LRMDA: variants seen among roughly 807,000 people sequenced by gnomAD.
The protein encoded by LRMDA is leucine rich melanocyte differentiation associated, also known as leucine-rich melanocyte differentiation-associated protein.
In LRMDA, 18 loss-of-function variants were observed where a neutral mutation model predicts 29.8. The ratio of observed to expected loss-of-function variants is 0.60; its 90% CI spans 0.42 to 0.90. LRMDA has a LOEUF of 0.90. Ranked by LOEUF, LRMDA falls within the 40% of genes least tolerant of loss-of-function variation. The pLI is 0.00. For synonymous variants in LRMDA, 125 were observed against 109.4 expected (o/e 1.14, Z -0.89); for missense variants, 273 against 273.9 (o/e 1.00, Z 0.02).
intron 2 of LRMDA, among the ~76,000 whole-genome samples, chr10:75,482,199 G>C (rs887713385): frequency 3.3e-5 from 5 of 152,126 alleles, no homozygotes; most frequent in Non-Finnish European, 7.3e-5. Flanking sequence ...GGAGGGAAGA[G>C]CATACCAGTT....
At chr10:75,776,794 C>A (rs116667528) in intron 2 of LRMDA, among the ~76,000 whole-genome samples, 20 of 152,328 alleles carry the variant, frequency 1.3e-4, no homozygotes, top group African/African-American at 4.8e-4. Context: ...GGTTTTGGAG[C>A]AGCTATAACG....
chr10:76,152,108 A>G (rs1225526926), intron 5 of LRMDA, among the ~76,000 whole-genome samples: 1 of 152,206 alleles, frequency 6.6e-6, no homozygotes. Flanking sequence ...AACTGTCACC[A>G]CTATTCAATC....
chr10:75,799,991 T>C (rs1406698678), intron 2 of LRMDA, among the ~76,000 whole-genome samples: 1 of 152,194 alleles, frequency 6.6e-6, no homozygotes, highest in South Asian at 2.1e-4. Flanking sequence ...TTTTCTCCTC[T>C]CATTTCTTCA....
chr10:76,082,328 G>A (rs890826463), intron 5 of LRMDA, among the ~76,000 whole-genome samples: 1 of 152,076 alleles, frequency 6.6e-6, no homozygotes, highest in Non-Finnish European at 1.5e-5. Flanking sequence ...TTCCCTGCCT[G>A]TCACTTTGGG....
chr10:75,448,889 C>A (rs187510139), intron 2 of LRMDA, among the ~76,000 whole-genome samples: 562 of 152,300 alleles, frequency 3.7e-3, no homozygotes, highest in Non-Finnish European at 6.4e-3. Flanking sequence ...CAGTGGCTCA[C>A]GCCTATAATC....
At chr10:76,224,317 A>C (rs1394339232) in intron 5 of LRMDA, among the ~76,000 whole-genome samples, 1 of 151,588 alleles carries the variant, frequency 6.6e-6, no homozygotes, top group African/African-American at 2.4e-5. Flanking sequence ...TCAGCCTATA[A>C]TCCCAGCACT....
chr10:75,925,417 G>C (rs1031439021), intron 2 of LRMDA, among the ~76,000 whole-genome samples: 1 of 152,058 alleles, frequency 6.6e-6, no homozygotes, highest in Non-Finnish European at 1.5e-5. Context: ...TTAGCGTCTG[G>C]GGGGGTTGGA....
chr10:76,411,392 T>C (rs1426822795), intron 6 of LRMDA, among the ~76,000 whole-genome samples: 1 of 152,222 alleles, frequency 6.6e-6, no homozygotes, highest in Non-Finnish European at 1.5e-5. Flanking sequence ...GTGCCAGTTC[T>C]GTACAAATGA....
At chr10:76,556,069 G>A (rs147051225) in intron 6 of LRMDA, among the ~76,000 whole-genome samples, 2 of 152,146 alleles carry the variant, frequency 1.3e-5, no homozygotes, top group African/African-American at 2.4e-5. Flanking sequence ...ATCCTACAGA[G>A]CTTTCATAAT....
At chr10:75,657,721 C>T (rs530020154) in intron 2 of LRMDA, among the ~76,000 whole-genome samples, 1 of 152,124 alleles carries the variant, frequency 6.6e-6, no homozygotes, top group Non-Finnish European at 1.5e-5. Context: ...TTTAGGTTTG[C>T]TTCCAGGGTG....
chr10:75,795,549 G>T (rs774676625), intron 2 of LRMDA, among the ~76,000 whole-genome samples: 1 of 152,128 alleles, frequency 6.6e-6, no homozygotes, highest in Non-Finnish European at 1.5e-5. Flanking sequence ...GGCCATGAAT[G>T]TGTGGGTCTA....
intron 2 of LRMDA, among the ~76,000 whole-genome samples, chr10:75,635,729 A>T (rs74570481): frequency 0.02 from 2,992 of 152,098 alleles, 90 homozygotes; most frequent in African/African-American, 0.068. Context: ...TCCTGATTAC[A>T]TTGTTTGTGC....
At chr10:76,125,544 A>G (rs1276169900) in intron 5 of LRMDA, among the ~76,000 whole-genome samples, 3 of 152,240 alleles carry the variant, frequency 2.0e-5, no homozygotes, top group Admixed American at 6.5e-5. Context: ...AAATTGAACC[A>G]TTGATGCCTG....
chr10:75,738,770 G>T (rs1182957257), intron 2 of LRMDA, among the ~76,000 whole-genome samples: 1 of 152,152 alleles, frequency 6.6e-6, no homozygotes, highest in Non-Finnish European at 1.5e-5. Flanking sequence ...GAGCATTTTT[G>T]TCTGCATTTT....
chr10:76,464,789 C>G (rs1842548064), intron 6 of LRMDA: 1 of 152,180 alleles, frequency 6.6e-6, no homozygotes, highest in South Asian at 2.1e-4. Flanking sequence ...TCAAGTTTCC[C>G]TCATATCTTC....
intron 6 of LRMDA, among the ~76,000 whole-genome samples, chr10:76,428,356 T>G (rs1265898563): frequency 6.6e-6 from 1 of 152,164 alleles, no homozygotes. Context: ...TGTCCAGACC[T>G]TCATCCTTGA....
At chr10:76,477,858 G>C (rs1280018389) in intron 6 of LRMDA, among the ~76,000 whole-genome samples, 11 of 152,134 alleles carry the variant, frequency 7.2e-5, no homozygotes, top group Non-Finnish European at 2.9e-5. Flanking sequence ...TATGTAGAAA[G>C]CTGAAACTGG....
intron 2 of LRMDA, among the ~76,000 whole-genome samples, chr10:75,541,402 C>CTTTTTT (rs35660494): frequency 7.3e-6 from 1 of 136,828 alleles, no homozygotes; most frequent in African/African-American, 2.7e-5. Context: ...TCCCCACAAA[C>CTTTTTT]TTTTTTTTTT....
chr10:76,209,014 T>G (rs963426069), intron 5 of LRMDA, among the ~76,000 whole-genome samples: 1 of 151,950 alleles, frequency 6.6e-6, no homozygotes, highest in African/African-American at 2.4e-5. Context: ...ATCAGCCAGG[T>G]GTGGTGGTGG....
Sources: gnomAD v4.1 joint callset for allele counts (sites outside exome capture counted in the v4.1 genomes callset) on GRCh38, gnomAD v4.1.1 for gene constraint, MANE v1.5 for transcripts, NCBI Gene and HGNC (gene_info 2026-07-23, HGNC 2026-07-21) for gene names.